Variants in ALX1 observed in about 807,000 individuals in gnomAD.
ALX1 encodes the protein ALX homeobox 1, also known as ALX homeobox protein 1.
In ALX1, 19 loss-of-function variants were observed where a neutral mutation model predicts 31.7. That is an observed-to-expected ratio of 0.60 (90% CI 0.42 to 0.88). ALX1 has a LOEUF of 0.88. Among genes scored for constraint, ALX1 ranks in the 40% least tolerant of loss-of-function variants. ALX1 has a pLI of 0.00. For missense variants in ALX1, 415 were observed against 407.8 expected, an observed-to-expected ratio of 1.02 and a Z score of -0.15; for synonymous variants, 153 against 148.8, an observed-to-expected ratio of 1.03 and a Z score of -0.20.
intron 3 of ALX1, among the ~76,000 whole-genome samples, chr12:85,298,474 T>C (rs11116776): frequency 0.19 from 28,815 of 151,562 alleles, 5,198 homozygotes; most frequent in African/African-American, 0.46. Flanking sequence ...ATACCGAGGA[T>C]ATTATCTTTT....
chr12:85,283,169 A>G (rs1182503096), intron 1 of ALX1, among the ~76,000 whole-genome samples: 1 of 152,230 alleles, frequency 6.6e-6, no homozygotes, highest in Non-Finnish European at 1.5e-5. Context: ...GAGCCACATT[A>G]GTAGCTTGGT....
rs1896653148 is a variant in ALX1 at position 85,280,430 on chromosome 12, C to T, written c.169C>T (p.Pro57Ser). 6.2e-7 allele frequency: 1 copy of T among 1,612,562 alleles called. No individual in the cohort carries two copies. Among genetic ancestry groups the T allele is most frequent in the African/African-American group, 1.3e-5 (1 of 75,008 alleles). Residue 57 changes from proline to serine, a missense_variant, in exon 1 of 4, where the codon CCC becomes TCC. Pro to Ser is a moderately conservative substitution (Grantham distance 74). Coordinates refer to ENST00000316824, the MANE Select transcript of ALX1 (RefSeq NM_006982.3). The part of the protein sequence containing the change: ...GKCVQAFGPL[P>S]RAEHHVRLER... ...ATGCGTGCAGGCCTTCGGACCCCTG[C>T]CCCGCGCCGAGCATCACGTGCGCTT...
Position 85,293,800 on chromosome 12 carries a change from G to A in ALX1, c.660+6819G>A, listed in dbSNP as rs1373485969. On this transcript the variant is annotated intron_variant, in intron 3 of 3. Transcript: ENST00000316824. ...AGAAAATTAAGCCATCAAAGCCCAG[G>A]AAGTCTATTAGCACAGAACTGTTGT... Among the ~76,000 whole-genome samples, 5 of 151,068 alleles carry A rather than the reference G, an allele frequency of 3.3e-5. No homozygotes were observed. The Admixed American group carries it at 3.3e-4, about 10-fold the overall frequency.
chr12:85,280,752 A>G (rs1184839843), intron 1 of ALX1, among the ~76,000 whole-genome samples: 1 of 152,144 alleles, frequency 6.6e-6, no homozygotes, highest in East Asian at 1.9e-4. Flanking sequence ...CTGGTCGCCT[A>G]CGGATCCCTG....
intron 3 of ALX1, among the ~76,000 whole-genome samples, chr12:85,297,464 GA>G (rs1482493131): frequency 6.6e-6 from 1 of 151,644 alleles, no homozygotes; most frequent in Admixed American, 6.6e-5. Context: ...TTACATGTAA[GA>G]AAGATGATCT....
chr12:85,301,772 T>A lies in ALX1; in HGVS notation c.*297T>A. On this transcript the variant is annotated 3_prime_UTR_variant, in exon 4 of 4. Coordinates refer to ENST00000316824, the MANE Select transcript of ALX1 (RefSeq NM_006982.3). Reference sequence around the variant, plus strand: ...ATCACGCAACTTATTAAAGAATAAATGTGTTAAACAAATTCTTCTGTTATA... The same window carrying A: ...ATCACGCAACTTATTAAAGAATAAAAGTGTTAAACAAATTCTTCTGTTATA... 2.7e-6 allele frequency: 1 copy of A among 375,974 alleles called. No homozygotes were observed. The highest frequency in any genetic ancestry group is 3.7e-5 in the South Asian group (1 of 26,696). The allele number at this position is 375,974 out of a possible 1,614,324, so 23.3% of individuals were successfully genotyped here.
chr12:85,281,759 G>A (rs1344768504), intron 1 of ALX1, among the ~76,000 whole-genome samples: 2 of 152,156 alleles, frequency 1.3e-5, no homozygotes, highest in Non-Finnish European at 2.9e-5. Context: ...CTTACACTGA[G>A]TTGTTGGTTT....
At chr12:85,293,403 A>C (rs2137387831) in intron 3 of ALX1, among the ~76,000 whole-genome samples, 1 of 150,162 alleles carries the variant, frequency 6.7e-6, no homozygotes, top group African/African-American at 2.4e-5. Context: ...AATGGAATTC[A>C]TTTAATGAAA....
intron 3 of ALX1, among the ~76,000 whole-genome samples, chr12:85,299,856 A>C (rs968485754): frequency 2.0e-5 from 3 of 151,950 alleles, no homozygotes. Flanking sequence ...CTTTATGTAG[A>C]AACAAATATA....
intron 2 of ALX1, 45 bp downstream of exon 2, chr12:85,283,921 A>T (rs1361337040): frequency 3.1e-6 from 5 of 1,594,772 alleles, no homozygotes; most frequent in Non-Finnish European, 3.4e-6. Flanking sequence ...AGGAAAATAA[A>T]TGGTGTTAGA....
chr12:85,292,984 G>A (rs11116773), intron 3 of ALX1, among the ~76,000 whole-genome samples: 30,491 of 149,870 alleles, frequency 0.2, 7,137 homozygotes, highest in African/African-American at 0.57. Context: ...TGTATGATGA[G>A]TGCTTTTACA....
chr12:85,297,659 T>G (rs954034030), intron 3 of ALX1, among the ~76,000 whole-genome samples: 2 of 151,692 alleles, frequency 1.3e-5, no homozygotes, highest in Admixed American at 6.6e-5. Flanking sequence ...ACTCCAGTAG[T>G]GTTTCCTAAT....
intron 1 of ALX1, 99 bp from the exon 2 acceptor site, chr12:85,283,473 G>A (rs575892511): frequency 1.7e-5 from 21 of 1,234,548 alleles, no homozygotes; most frequent in Admixed American, 5.4e-5. Context: ...ATTATTAATA[G>A]GCCAATTTCT....
chr12:85,280,690 G>A (rs1317084516), intron 1 of ALX1, among the ~76,000 whole-genome samples: 1 of 152,188 alleles, frequency 6.6e-6, no homozygotes, highest in East Asian at 1.9e-4. Context: ...CGGAGGGAGG[G>A]AGAGATCCAG....
intron 3 of ALX1, among the ~76,000 whole-genome samples, chr12:85,289,181 G>C (rs1448416732): frequency 6.6e-6 from 1 of 151,108 alleles, no homozygotes; most frequent in African/African-American, 2.4e-5. Context: ...CTTTGATAAA[G>C]CAATCAGAAT....
intron 3 of ALX1, among the ~76,000 whole-genome samples, chr12:85,288,650 T>C (rs1161596655): frequency 6.6e-6 from 1 of 151,484 alleles, no homozygotes; most frequent in Non-Finnish European, 1.5e-5. Flanking sequence ...TTACATATAT[T>C]ATCTCATTTA....
intron 3 of ALX1, among the ~76,000 whole-genome samples, chr12:85,289,859 G>GT (rs567167621): frequency 2.8e-3 from 425 of 150,952 alleles, no homozygotes; most frequent in African/African-American, 5.6e-3. Flanking sequence ...TAAATGAAAT[G>GT]TTTTTTTTAT....
At chr12:85,298,382 G>A (rs1896917813) in intron 3 of ALX1, among the ~76,000 whole-genome samples, 1 of 151,706 alleles carries the variant, frequency 6.6e-6, no homozygotes, top group Admixed American at 6.6e-5. Context: ...GTAACCATTA[G>A]CTATAATGAA....
At chr12:85,284,491 T>G (rs2137377840) in intron 2 of ALX1, among the ~76,000 whole-genome samples, 1 of 152,226 alleles carries the variant, frequency 6.6e-6, no homozygotes, top group Admixed American at 6.5e-5. Context: ...ATTATAATGG[T>G]TAAAGTCTAG....
Sources: allele counts gnomAD v4.1 joint callset (sites outside exome capture counted in the v4.1 genomes callset), GRCh38; gene constraint gnomAD v4.1.1; transcripts MANE v1.5; gene names NCBI Gene and HGNC (gene_info 2026-07-23, HGNC 2026-07-21).